The following P3H2 variants were observed in gnomAD, a reference collection of about 807,000 sequenced individuals.
P3H2 encodes leprecan-like 1.
In P3H2, 80 loss-of-function variants were observed where a neutral mutation model predicts 87.0. That is an observed-to-expected ratio of 0.92 (90% confidence interval 0.77 to 1.11). The LOEUF is 1.11. P3H2 is among the 50% of genes least tolerant of loss of function. The pLI, the probability that P3H2 is intolerant of heterozygous loss-of-function variation, is 0.00. For missense variants in P3H2, 1,001 were observed against 923.9 expected (o/e 1.08, Z -1.08); for synonymous variants, 367 against 359.3 (o/e 1.02, Z -0.24).
At chr3:190,035,769 G>A (rs768990561) in intron 1 of P3H2, among the ~76,000 whole-genome samples, 7 of 152,122 alleles carry the variant, frequency 4.6e-5, no homozygotes, top group Non-Finnish European at 7.3e-5. Flanking sequence ...AATACCTTCT[G>A]TTGGGCTTTA....
chr3:189,976,324 C>T (rs769283185), intron 8 of P3H2, among the ~76,000 whole-genome samples: 6 of 152,150 alleles, frequency 3.9e-5, no homozygotes, highest in Non-Finnish European at 5.9e-5. Context: ...AGAGATTTAA[C>T]GGACTCACAG....
At chr3:190,084,031 T>C (rs1385977875) in intron 1 of P3H2, among the ~76,000 whole-genome samples, 1 of 152,226 alleles carries the variant, frequency 6.6e-6, no homozygotes. Flanking sequence ...ATATTTCTTA[T>C]AGCAACTTGG....
chr3:190,062,506 C>T (rs745536116), intron 1 of P3H2, among the ~76,000 whole-genome samples: 11 of 152,118 alleles, frequency 7.2e-5, no homozygotes, highest in African/African-American at 1.4e-4. Context: ...CCATACATTA[C>T]CCACTGCTTT....
intron 1 of P3H2, among the ~76,000 whole-genome samples, chr3:190,097,412 GAGAC>G (rs1249596452): frequency 6.6e-6 from 1 of 152,116 alleles, no homozygotes; most frequent in Non-Finnish European, 1.5e-5. Context: ...AAGTCAATAA[GAGAC>G]TGACTTATAC....
chr3:189,978,483 C>T (rs1005262475), intron 8 of P3H2, among the ~76,000 whole-genome samples: 2 of 152,068 alleles, frequency 1.3e-5, no homozygotes, highest in Non-Finnish European at 1.5e-5. Flanking sequence ...CCTAGCATTC[C>T]ACAAGTAACA....
chr3:190,114,702 G>C (rs3106813), intron 1 of P3H2, among the ~76,000 whole-genome samples: 51,990 of 151,676 alleles, frequency 0.34, 9,685 homozygotes, highest in African/African-American at 0.51. Flanking sequence ...TGACCTGTAA[G>C]TTTTGATGGT....
chr3:190,001,499 T>C (rs1380024852), intron 1 of P3H2, among the ~76,000 whole-genome samples: 1 of 152,216 alleles, frequency 6.6e-6, no homozygotes, highest in Non-Finnish European at 1.5e-5. Context: ...TGAAGTGCTA[T>C]GGTTTTTGCC....
rs1398712598 is a variant in P3H2, at chr3:190,066,178, C to CACACACACACACACACAT, written c.480+54073_480+54074insATGTGTGTGTGTGTGTGT. On this transcript the variant is annotated intron_variant, in intron 1 of 14. Transcript: ENST00000319332. ...ATATATACACACACACACACACACA[C>CACACACACACACACACAT]ATATATACACACATATATATATGAT... is the stretch of plus-strand genomic sequence containing the variant. Among the ~76,000 whole-genome samples the CACACACACACACACACAT allele has an allele frequency of 1.4e-4, 20 of 143,214 alleles. 1 individual carries two copies. Among genetic ancestry groups the CACACACACACACACACAT allele is most frequent in the African/African-American group, 5.6e-4 (20 of 35,912 alleles). The allele number at this position is 143,214 out of a possible 152,430, so 94.0% of individuals were successfully genotyped here.
chr3:190,117,584 A>T (rs993829320), intron 1 of P3H2, among the ~76,000 whole-genome samples: 2 of 152,046 alleles, frequency 1.3e-5, no homozygotes, highest in Non-Finnish European at 1.5e-5. Flanking sequence ...AACATCAGGG[A>T]ATCAATGCCC....
chr3:190,078,073 T>C (rs1274326758), intron 1 of P3H2, among the ~76,000 whole-genome samples: 1 of 152,142 alleles, frequency 6.6e-6, no homozygotes, highest in Non-Finnish European at 1.5e-5. Flanking sequence ...AAAGTATTGA[T>C]GGGTAGCGAC....
chr3:189,968,137 A>C (rs1460245117), intron 13 of P3H2, among the ~76,000 whole-genome samples: 1 of 152,030 alleles, frequency 6.6e-6, no homozygotes, highest in Non-Finnish European at 1.5e-5. Context: ...TTATACTTTT[A>C]AGTTCTAGTG....
At chr3:190,066,995 T>C (rs1197451180) in intron 1 of P3H2, among the ~76,000 whole-genome samples, 1 of 151,256 alleles carries the variant, frequency 6.6e-6, no homozygotes, top group African/African-American at 2.4e-5. Context: ...TAGTTTATTC[T>C]TTTTTAATTT....
intron 10 of P3H2, 77 bp downstream of exon 10, chr3:189,973,830 TTC>T: frequency 1.8e-6 from 2 of 1,129,848 alleles, no homozygotes; most frequent in Admixed American, 1.7e-5. Flanking sequence ...GGCCACTTTT[TTC>T]TTTCTTATAT....
intron 1 of P3H2, among the ~76,000 whole-genome samples, chr3:190,067,021 TTTTTG>T (rs1726534141): frequency 6.6e-6 from 1 of 151,508 alleles, no homozygotes; most frequent in African/African-American, 2.4e-5. Context: ...CTTTTTTTTT[TTTTTG>T]TAGAGATGGG....
At chr3:189,961,500 A>C (rs1200615973) in intron 14 of P3H2, among the ~76,000 whole-genome samples, 1 of 150,176 alleles carries the variant, frequency 6.7e-6, no homozygotes, top group Non-Finnish European at 1.5e-5. Context: ...ATAGGTAGGC[A>C]TTTTTTTTTT....
At chr3:190,014,268 A>G (rs1724684133) in intron 1 of P3H2, among the ~76,000 whole-genome samples, 1 of 152,220 alleles carries the variant, frequency 6.6e-6, no homozygotes, top group Admixed American at 6.5e-5. Context: ...TGTCATTGAT[A>G]TTTCTTTCTC....
At chr3:190,031,730 A>T (rs1344451909) in intron 1 of P3H2, among the ~76,000 whole-genome samples, 1 of 107,170 alleles carries the variant, frequency 9.3e-6, no homozygotes, top group Admixed American at 1.1e-4. Flanking sequence ...TAATAGATAC[A>T]ATCAGATAAA....
At chr3:189,969,995 G>GCTAA in intron 13 of P3H2, 1 of 594,368 alleles carries the variant, frequency 1.7e-6, no homozygotes, top group Non-Finnish European at 3.1e-6. Context: ...ACCAAAGGAT[G>GCTAA]CTAACTATAT....
chr3:189,958,699 C>CATTT (rs1722715530), intron 14 of P3H2, among the ~76,000 whole-genome samples: 1 of 120,204 alleles, frequency 8.3e-6, no homozygotes, highest in Non-Finnish European at 1.7e-5. Context: ...ATTGCTCCCT[C>CATTT]TTTTTTTTTT....
Sources: allele counts gnomAD v4.1 joint callset (sites outside exome capture counted in the v4.1 genomes callset), GRCh38; gene constraint gnomAD v4.1.1; transcripts MANE v1.5; gene names NCBI Gene and HGNC (gene_info 2026-07-23, HGNC 2026-07-21).